ZNF707: variants seen among roughly 807,000 people sequenced by gnomAD.
The protein encoded by ZNF707 is zinc finger protein 707.
In ZNF707, 8 loss-of-function variants were observed where a neutral mutation model predicts 13.3. That is an observed-to-expected ratio of 0.60 (90% CI 0.35 to 1.09). ZNF707 has a LOEUF of 1.09. Among genes scored for constraint, ZNF707 ranks in the 50% least tolerant of loss-of-function variants. The pLI is 0.02. For synonymous variants in ZNF707, 225 were observed against 205.6 expected (o/e 1.09, Z -0.81); for missense variants, 530 against 512.6 (o/e 1.03, Z -0.33).
At position 143,694,386 on chromosome 8, in the gene ZNF707, C is replaced by A. The variant is rs1817145721; in HGVS notation, c.972C>A (p.Ser324=). 1.2e-6 allele frequency: 2 copies of A among 1,612,356 alleles called. No individual in the cohort carries two copies. The highest frequency in any genetic ancestry group is 1.7e-6 in the Non-Finnish European group (2 of 1,179,544). Residue 324 remains serine, a synonymous_variant, in exon 6 of 6, where the codon TCC becomes TCA. Transcript: ENST00000358656. This position sits in a 1 kb window ranked among gnomAD's most constrained non-coding sequence, Gnocchi z 4.4. Reference sequence around the variant, plus strand: ...ACACCTGTGCCGAGTGCGGCAAGTCCTTCCGGTGGCCCAAGGGCTTCAGCA... The same window carrying A: ...ACACCTGTGCCGAGTGCGGCAAGTCATTCCGGTGGCCCAAGGGCTTCAGCA... ...KPYTCAECGK[S]FRWPKGFSIH... is the part of the protein sequence containing the mutation.
rs1816979069 is a variant in ZNF707, at chr8:143,693,050, G to A, written c.257-621G>A. Among the ~76,000 whole-genome samples, 1 of 152,170 alleles carries A rather than the reference G, an allele frequency of 6.6e-6. No homozygotes were observed. The highest frequency in any genetic ancestry group is 1.5e-5 in the Non-Finnish European group (1 of 68,016). ...GGTGAAAGGACATTCTCTTGGCCCA[G>A]TTGCTTCTGTTGGTTGGCAGGCATG... is the stretch of plus-strand genomic sequence containing the variant. On this transcript the variant is annotated intron_variant, in intron 5 of 5. Coordinates refer to ENST00000358656, the MANE Select transcript of ZNF707 (RefSeq NM_001100598.2). This position sits in a 1 kb window ranked among gnomAD's most constrained non-coding sequence, Gnocchi z 4.1.
In ZNF707 at chr8:143,693,177, C is replaced by T. The variant is rs1554614095; in HGVS notation, c.257-494C>T. ...TGGCTTCCGCTGTTGATACCTGTGG[C>T]TCATCTGTGTTTCTTTGAACGAGTT... On this transcript the variant is annotated intron_variant, in intron 5 of 5. Coordinates refer to ENST00000358656, the MANE Select transcript of ZNF707 (RefSeq NM_001100598.2). This position sits in a 1 kb window ranked among gnomAD's most constrained non-coding sequence, Gnocchi z 4.1. 6.6e-6 allele frequency among the ~76,000 whole-genome samples: 1 copy of T among 152,174 alleles called. No homozygotes were observed. The highest frequency in any genetic ancestry group is 2.4e-5 in the African/African-American group (1 of 41,442).
At chr8:143,690,922 C>T in intron 3 of ZNF707, 151 bp from the exon 4 acceptor site, 1 of 1,043,610 alleles carries the variant, frequency 9.6e-7, no homozygotes, top group South Asian at 1.7e-5. Context: ...GACACAGCCA[C>T]TCGGGGCTCT....
Position 143,694,175 on chromosome 8 carries a change from A to G in ZNF707, c.761A>G (p.His254Arg), listed in dbSNP as rs1213677171. 7.0e-6 allele frequency: 11 copies of G among 1,576,142 alleles called. No homozygotes were observed. Among genetic ancestry groups the G allele is most frequent in the South Asian group, 1.2e-5 (1 of 86,038 alleles). ...CGCCTGGCTCAGCACCGCAAGGTCC[A>G]CACCGAGCACAGGCCCTACTCGTGT... The part of the protein sequence containing the change: ...KDRLAQHRKV[H>R]TEHRPYSCGD... Residue 254 changes from histidine (H) to arginine (R), a missense_variant, in exon 6 of 6, where the codon CAC (histidine) becomes CGC (arginine). Physicochemically the swap from His to Arg is conservative, Grantham distance 29. Coordinates refer to ENST00000358656, the MANE Select transcript of ZNF707 (RefSeq NM_001100598.2). The surrounding 1 kb of genome is among the most constrained non-coding windows in gnomAD (Gnocchi z 4.4).
intron 5 of ZNF707, 102 bp downstream of exon 5, chr8:143,691,815 A>G: frequency 2.7e-6 from 3 of 1,094,460 alleles, no homozygotes; most frequent in African/African-American, 1.6e-5. Flanking sequence ...TGTCCTTCCC[A>G]TGGGAGAGCA....
At chr8:143,686,938 A>G (rs1483060786) in intron 1 of ZNF707, 1 of 144,130 alleles carries the variant, frequency 6.9e-6, no homozygotes, top group Non-Finnish European at 1.5e-5. Flanking sequence ...ATGGCGCGAT[A>G]TCGGCTCGCC....
chr8:143,691,510 G>A (rs782378460), intron 4 of ZNF707, 90 bp from the exon 5 acceptor site: 55 of 1,403,592 alleles, frequency 3.9e-5, no homozygotes, highest in Middle Eastern at 3.6e-4. Flanking sequence ...CTGGCCTGGC[G>A]TCTTAGGCTG....
Position 143,693,122 on chromosome 8 carries a change from C to T in ZNF707, c.257-549C>T, listed in dbSNP as rs1020859143. Among the ~76,000 whole-genome samples, 1 of 152,166 alleles carries T rather than the reference C, an allele frequency of 6.6e-6. No individual in the cohort carries two copies. Among genetic ancestry groups the T allele is most frequent in the African/African-American group, 2.4e-5 (1 of 41,440 alleles). On this transcript the variant is annotated intron_variant, in intron 5 of 5. Transcript: ENST00000358656. The surrounding 1 kb of genome is among the most constrained non-coding windows in gnomAD (Gnocchi z 4.1). ...GCAGTGCCGGGTGGCCTGCGTACCACCGGGGCTGGGGAAGCATCTGAGCTC... is the reference window on the plus strand; with the variant it reads ...GCAGTGCCGGGTGGCCTGCGTACCATCGGGGCTGGGGAAGCATCTGAGCTC...
intron 3 of ZNF707, 89 bp from the exon 4 acceptor site, chr8:143,690,984 C>A: frequency 1.3e-6 from 2 of 1,514,694 alleles, no homozygotes; most frequent in Non-Finnish European, 1.8e-6. Context: ...CACCGCAGGG[C>A]CACTCCCATT....
rs368360386 is a variant in ZNF707, at chr8:143,694,097, G to A, written c.683G>A (p.Arg228His). Residue 228 changes from arginine (R) to histidine (H), a missense_variant, in exon 6 of 6, where the codon CGC (arginine) becomes CAC (histidine). By Grantham distance (29) the Arg-to-His change is conservative. Coordinates refer to ENST00000358656, the MANE Select transcript of ZNF707 (RefSeq NM_001100598.2). This position sits in a 1 kb window ranked among gnomAD's most constrained non-coding sequence, Gnocchi z 4.4. ...CAGCGCCACCAGAAGAACCACACGC[G>A]CGAGAAGCCCTTCTGCTGCGAGGCC... ...NLQRHQKNHT[R>H]EKPFCCEACG... The A allele has an allele frequency of 6.7e-5, 108 of 1,606,660 alleles. No homozygotes were observed. The African/African-American group carries it at 1.0e-3, about 16-fold the overall frequency.
At chr8:143,691,855 G>A (rs1816838134) in intron 5 of ZNF707, 142 bp downstream of exon 5, 1 of 967,938 alleles carries the variant, frequency 1.0e-6, no homozygotes, top group Non-Finnish European at 1.5e-6. Context: ...AATTAGACAG[G>A]CATTAGAGAC....
At chr8:143,691,935 A>C in intron 5 of ZNF707, 1 of 1,235,990 alleles carries the variant, frequency 8.1e-7, no homozygotes, top group Non-Finnish European at 1.1e-6. Flanking sequence ...ATAGTGCTGC[A>C]GGATGACATA....
At position 143,694,278 on chromosome 8, in the gene ZNF707, C is replaced by A; in HGVS notation, c.864C>A (p.Phe288Leu). 6.3e-7 allele frequency: 1 copy of A among 1,597,068 alleles called. No individual in the cohort carries two copies. The change falls in exon 6 of 6, where the codon TTC becomes TTA. Residue 288 changes from phenylalanine (F) to leucine (L), a missense_variant. Physicochemically the swap from Phe to Leu is conservative, Grantham distance 22 (BLOSUM62 0). Transcript: ENST00000358656. The surrounding 1 kb of genome is among the most constrained non-coding windows in gnomAD (Gnocchi z 4.4). Reference protein sequence around the residue: ...HQLVHTGERPFYCADCGKAFR... With the variant: ...HQLVHTGERPLYCADCGKAFR... ...TGGTGCACACCGGGGAGCGGCCGTT[C>A]TACTGCGCGGACTGCGGCAAAGCCT...
intron 1 of ZNF707, chr8:143,688,827 G>A (rs1001449381): frequency 6.6e-6 from 1 of 151,996 alleles, no homozygotes; most frequent in East Asian, 1.9e-4. Context: ...TGTTTATAGA[G>A]ACAGGCTGGG....
Position 143,693,913 on chromosome 8 carries a change from C to A in ZNF707, c.499C>A (p.Arg167=), listed in dbSNP as rs782430813. The change falls in exon 6 of 6, where the codon CGG becomes AGG. Residue 167 remains arginine (R), a synonymous_variant. Coordinates refer to ENST00000358656, the MANE Select transcript of ZNF707 (RefSeq NM_001100598.2). The surrounding 1 kb of genome is among the most constrained non-coding windows in gnomAD (Gnocchi z 4.1). ...GCGGCGGCCGGGCCGCAGAGAGCGC[C>A]GGAAGCAGCGCGCAGTAGAGCTGTC... The part of the protein sequence containing the change: ...CGRRPGRRER[R]KQRAVELSFI... The A allele has an allele frequency of 6.2e-7, 1 of 1,606,590 alleles. No homozygotes were observed. Among genetic ancestry groups the A allele is most frequent in the Admixed American group, 1.7e-5 (1 of 59,408 alleles).
In ZNF707 at chr8:143,694,159, C is replaced by T. The variant is rs1290959537; in HGVS notation, c.745C>T (p.Gln249Ter). The change falls in exon 6 of 6, where the codon CAG (glutamine) becomes TAG (stop). Residue 249 changes from glutamine (Q) to a stop codon, truncating the protein, a stop_gained. Coordinates refer to ENST00000358656, the MANE Select transcript of ZNF707 (RefSeq NM_001100598.2). LOFTEE classifies it low-confidence loss of function (END_TRUNC). This position sits in a 1 kb window ranked among gnomAD's most constrained non-coding sequence, Gnocchi z 4.4. ...QAFSLKDRLAQHRKVHTEHRP... is the reference protein window; with the variant it reads ...QAFSLKDRLA Reference sequence around the variant, plus strand: ...GTTCAGCCTGAAGGACCGCCTGGCTCAGCACCGCAAGGTCCACACCGAGCA... The same window carrying T: ...GTTCAGCCTGAAGGACCGCCTGGCTTAGCACCGCAAGGTCCACACCGAGCA... The T allele has an allele frequency of 1.9e-6, 3 of 1,584,304 alleles. No individual in the cohort carries two copies. Among genetic ancestry groups the T allele is most frequent in the Non-Finnish European group, 2.6e-6 (3 of 1,164,770 alleles).
Position 143,694,700 on chromosome 8 carries a change from G to T in ZNF707, c.*170G>T, listed in dbSNP as rs1817182452. The T allele has an allele frequency of 2.6e-6, 2 of 761,068 alleles. No homozygotes were observed. The highest frequency in any genetic ancestry group is 4.0e-6 in the Non-Finnish European group (2 of 497,016). 47.1% of individuals were successfully genotyped at this position (761,068 alleles called of 1,614,324 possible). On this transcript the variant is annotated 3_prime_UTR_variant, in exon 6 of 6. Transcript: ENST00000358656. This position sits in a 1 kb window ranked among gnomAD's most constrained non-coding sequence, Gnocchi z 4.4. ...AGAAGTTTACTGGGAAAACTGCCAG[G>T]TGGGAGAAGCAGAGCCATGGGTACG...
rs1011220555 is a variant in ZNF707 at position 143,694,464 on chromosome 8, G to A, written c.1050G>A (p.Gly350=). 180 of 1,611,736 alleles carry A rather than the reference G, an allele frequency of 1.1e-4. No homozygotes were observed. The highest frequency in any genetic ancestry group is 1.5e-4 in the Non-Finnish European group (171 of 1,179,108). The part of the protein sequence containing the change: ...TKRFYECGHC[G]KGFRHLGFFT... Reference sequence around the variant, plus strand: ...GGTTCTACGAGTGCGGCCACTGTGGGAAAGGCTTCCGTCACCTGGGGTTCT... The same window carrying A: ...GGTTCTACGAGTGCGGCCACTGTGGAAAAGGCTTCCGTCACCTGGGGTTCT... The change falls in exon 6 of 6, where the codon GGG becomes GGA. Residue 350 remains glycine (G), a synonymous_variant. Transcript: ENST00000358656. The surrounding 1 kb of genome is among the most constrained non-coding windows in gnomAD (Gnocchi z 4.4).
Position 143,690,113 on chromosome 8 carries a change from A to T in ZNF707, c.5A>T (p.Asp2Val). 1 of 1,607,826 alleles carries T rather than the reference A, an allele frequency of 6.2e-7. No individual in the cohort carries two copies. M[D>V]MAQEPVTFRD... ...AGGGGTGGCCTCGCTGTTCCCATGG[A>T]CATGGCCCAGGTGAGCCCTGCTGCT... Residue 2 changes from aspartate (D) to valine (V), a missense_variant, in exon 3 of 6, where the codon GAC becomes GTC. Transcript: ENST00000358656.
Sources: gnomAD v4.1 joint callset for allele counts (sites outside exome capture counted in the v4.1 genomes callset) on GRCh38, gnomAD v4.1.1 for gene constraint, Gnocchi (gnomAD v3.1) non-coding constraint, MANE v1.5 for transcripts, NCBI Gene and HGNC (gene_info 2026-07-23, HGNC 2026-07-21) for gene names.